C1orf105: variants seen among roughly 807,000 people sequenced by gnomAD.
The protein encoded by C1orf105 is uncharacterized protein C1orf105.
A neutral mutation model predicts 20.8 loss-of-function variants in C1orf105; 17 were observed. The observed-to-expected ratio is 0.82, with a 90% CI of 0.56 to 1.23. The LOEUF (loss-of-function observed/expected upper bound fraction) is 1.23, where lower values mean the gene tolerates loss of function less well. Ranked by LOEUF, C1orf105 falls within the 50% of genes most tolerant of loss-of-function variation. The probability of loss-of-function intolerance (pLI) is 0.00; values close to 1 mark genes in which losing one functional copy is unlikely to be tolerated. For synonymous variants in C1orf105, 72 were observed against 72.1 expected, an observed-to-expected ratio of 1.00 and a Z score of 0.01; for missense variants, 219 against 213.5, an observed-to-expected ratio of 1.03 and a Z score of -0.16.
At chr1:172,455,276 T>G (rs1649115588) in intron 3 of C1orf105, among the ~76,000 whole-genome samples, 1 of 152,194 alleles carries the variant, frequency 6.6e-6, no homozygotes, top group African/African-American at 2.4e-5. Flanking sequence ...CAGAACAATC[T>G]GGCAAAGGTC....
At chr1:172,457,375 G>C (rs1460816852) in intron 4 of C1orf105, among the ~76,000 whole-genome samples, 1 of 152,098 alleles carries the variant, frequency 6.6e-6, no homozygotes, top group Non-Finnish European at 1.5e-5. Flanking sequence ...AAGAATGGAA[G>C]AAAAATAGAA....
intron 1 of C1orf105, among the ~76,000 whole-genome samples, chr1:172,426,723 ATC>A (rs1362880542): frequency 6.6e-6 from 1 of 151,808 alleles, no homozygotes; most frequent in Non-Finnish European, 1.5e-5. Flanking sequence ...TATTGTTTTA[ATC>A]TCTTGGATCT....
chr1:172,456,709 T>G (rs1245371524), intron 4 of C1orf105, among the ~76,000 whole-genome samples: 1 of 152,178 alleles, frequency 6.6e-6, no homozygotes, highest in Non-Finnish European at 1.5e-5. Context: ...CCAGGATAGA[T>G]GGGCCAGAGT....
chr1:172,466,154 C>T (rs1385695688), intron 6 of C1orf105, among the ~76,000 whole-genome samples: 3 of 152,086 alleles, frequency 2.0e-5, no homozygotes, highest in Non-Finnish European at 4.4e-5. Context: ...AGAGCCAGAA[C>T]TGAAAAGATT....
intron 5 of C1orf105, among the ~76,000 whole-genome samples, chr1:172,463,895 T>C (rs1649865436): frequency 6.6e-6 from 1 of 152,166 alleles, no homozygotes; most frequent in South Asian, 2.1e-4. Flanking sequence ...GAGGAAAACA[T>C]ACCACTTCTG....
intron 1 of C1orf105, chr1:172,441,600 T>G: frequency 1.3e-6 from 1 of 782,430 alleles, no homozygotes; most frequent in Admixed American, 2.7e-5. Flanking sequence ...TTCATTTTTT[T>G]TGGTTTTGAT....
intron 1 of C1orf105, chr1:172,442,240 G>A: frequency 1.2e-6 from 2 of 1,613,946 alleles, no homozygotes; most frequent in Non-Finnish European, 1.7e-6. Context: ...ATAAGTGAAA[G>A]TAATGAAGAC....
chr1:172,443,251 A>C (rs1404206891), intron 1 of C1orf105: 1 of 167,244 alleles, frequency 6.0e-6, no homozygotes, highest in African/African-American at 2.4e-5. Context: ...TTCTTAACTC[A>C]GTGGTTCACA....
At chr1:172,449,966 C>T (rs1280256101) in intron 3 of C1orf105, among the ~76,000 whole-genome samples, 1 of 152,218 alleles carries the variant, frequency 6.6e-6, no homozygotes, top group Non-Finnish European at 1.5e-5. Context: ...GGCACTAGGA[C>T]ACCAGGCCCC....
chr1:172,438,710 C>T (rs2072121648), intron 1 of C1orf105, among the ~76,000 whole-genome samples: 1 of 152,194 alleles, frequency 6.6e-6, no homozygotes, highest in Non-Finnish European at 1.5e-5. Context: ...AGATGTTCTA[C>T]TGTGAGTAAA....
intron 1 of C1orf105, chr1:172,442,216 A>G: frequency 6.2e-7 from 1 of 1,614,056 alleles, no homozygotes; most frequent in Non-Finnish European, 8.5e-7. Flanking sequence ...GGTCTTCAGC[A>G]CTGGTGAAAA....
intron 3 of C1orf105, chr1:172,453,122 T>C: frequency 6.4e-7 from 1 of 1,550,968 alleles, no homozygotes; most frequent in Non-Finnish European, 8.7e-7. Flanking sequence ...AATGCCCTCA[T>C]CCCTTCTCCA....
chr1:172,459,432 A>G (rs1399002103), intron 4 of C1orf105, among the ~76,000 whole-genome samples: 3 of 152,212 alleles, frequency 2.0e-5, no homozygotes, highest in Admixed American at 2.0e-4. Context: ...CAATAAACAC[A>G]TGAAAAGATA....
chr1:172,440,753 T>A (rs1334785307), intron 1 of C1orf105, among the ~76,000 whole-genome samples: 1 of 152,212 alleles, frequency 6.6e-6, no homozygotes, highest in African/African-American at 2.4e-5. Flanking sequence ...TGCCTGCAAA[T>A]GTGTTTTTAG....
intron 1 of C1orf105, among the ~76,000 whole-genome samples, chr1:172,426,282 T>TTTTTTG (rs1397133138): frequency 2.4e-4 from 36 of 152,282 alleles, no homozygotes; most frequent in African/African-American, 7.0e-4. Flanking sequence ...GTTATCCTCA[T>TTTTTTG]TTTTTGTTTT....
At chr1:172,463,627 A>G (rs1349395004) in intron 5 of C1orf105, among the ~76,000 whole-genome samples, 1 of 152,260 alleles carries the variant, frequency 6.6e-6, no homozygotes, top group Non-Finnish European at 1.5e-5. Context: ...TGAAGCATCT[A>G]AAATCAGAGA....
chr1:172,445,302 C>G, intron 2 of C1orf105, 144 bp downstream of exon 2: 1 of 709,846 alleles, frequency 1.4e-6, no homozygotes, highest in South Asian at 2.0e-5. Context: ...TAGAAATAAT[C>G]CGGGTTTCTC....
intron 2 of C1orf105, among the ~76,000 whole-genome samples, 171 bp from the exon 3 acceptor site, chr1:172,448,270 A>G (rs952842949): frequency 2.6e-5 from 4 of 152,212 alleles, no homozygotes; most frequent in African/African-American, 9.7e-5. Context: ...CCAAAGTGAC[A>G]TAGGAGGGCA....
rs751068367 is a variant in C1orf105 at position 172,441,884 on chromosome 1, T to C, written c.22-3189T>C. On this transcript the variant is annotated intron_variant, in intron 1 of 6. Coordinates refer to ENST00000367727, the MANE Select transcript of C1orf105 (RefSeq NM_139240.4). ...GCAAAGAGTACGGCTCCCACAGCAC[T>C]AATGGACAGTAGGCCTCCCACGGCT... 53 of 1,614,160 alleles carry C rather than the reference T, an allele frequency of 3.3e-5. No individual in the cohort carries two copies. In the East Asian group the frequency reaches 1.0e-3, roughly 31 times the overall value.
Sources: gnomAD v4.1 joint callset for allele counts (sites outside exome capture counted in the v4.1 genomes callset) on GRCh38, gnomAD v4.1.1 for gene constraint, MANE v1.5 for transcripts, NCBI Gene and HGNC (gene_info 2026-07-23, HGNC 2026-07-21) for gene names.